Variants in AGGF1 observed in about 807,000 individuals in gnomAD.
The protein encoded by AGGF1 is angiogenic factor with G-patch and FHA domains 1.
AGGF1 carries 56 observed loss-of-function variants against 86.5 expected under a neutral mutation model. The observed-to-expected ratio is 0.65, with a 90% CI of 0.52 to 0.81. AGGF1 has a LOEUF of 0.81. Among genes scored for constraint, AGGF1 ranks in the 30% least tolerant of loss-of-function variants. The pLI is 0.00. For synonymous variants in AGGF1, 313 were observed against 297.1 expected (o/e 1.05, Z -0.55); for missense variants, 816 against 850.9 (o/e 0.96, Z 0.51).
intron 5 of AGGF1, among the ~76,000 whole-genome samples, chr5:77,043,367 C>A (rs1747165795): frequency 1.8e-5 from 1 of 55,958 alleles, no homozygotes; most frequent in Admixed American, 1.5e-4. Context: ...GTCTGACCCC[C>A]CCACCTCCCT....
At chr5:77,047,868 A>G (rs1747299863) in intron 6 of AGGF1, among the ~76,000 whole-genome samples, 1 of 150,952 alleles carries the variant, frequency 6.6e-6, no homozygotes, top group Non-Finnish European at 1.5e-5. Context: ...AAAATAATAT[A>G]AAAATATTTG....
At chr5:77,031,564 G>A (rs540664447) in intron 1 of AGGF1, among the ~76,000 whole-genome samples, 7 of 152,164 alleles carry the variant, frequency 4.6e-5, no homozygotes, top group Non-Finnish European at 1.0e-4. Flanking sequence ...TTTCCAAGAT[G>A]GTAGGGGCAA....
intron 11 of AGGF1, among the ~76,000 whole-genome samples, chr5:77,059,299 AAGT>A (rs1305256595): frequency 8.5e-5 from 13 of 152,206 alleles, no homozygotes; most frequent in African/African-American, 2.9e-4. Flanking sequence ...AATAGACTAA[AAGT>A]AGCATATCTA....
At chr5:77,055,367 C>T (rs1747440886) in intron 10 of AGGF1, 147 bp from the exon 11 acceptor site, 5 of 611,034 alleles carry the variant, frequency 8.2e-6, no homozygotes, top group Non-Finnish European at 1.5e-5. Flanking sequence ...CATCACAACC[C>T]AATATCCTTT....
chr5:77,035,497 A>G lies in AGGF1; in HGVS notation c.314-44A>G, dbSNP rs539280919. Reference sequence around the variant, plus strand: ...TTGTAGTTAAGTCCTTTTTATATACATTATTCTAATATGATACGATTTCAC... The same window carrying G: ...TTGTAGTTAAGTCCTTTTTATATACGTTATTCTAATATGATACGATTTCAC... On this transcript the variant is annotated intron_variant, in intron 2 of 13. Coordinates refer to ENST00000312916, the MANE Select transcript of AGGF1 (RefSeq NM_018046.5). 4.1e-6 allele frequency: 6 copies of G among 1,456,412 alleles called. No homozygotes were observed. In the East Asian group the frequency reaches 7.0e-5, roughly 17 times the overall value. 90.2% of individuals were successfully genotyped at this position (1,456,412 alleles called of 1,614,324 possible). A position where few individuals can be genotyped will look rare whatever the true frequency, so the allele number is the denominator to read the frequency against.
chr5:77,043,482 A>AG (rs1747172256), intron 5 of AGGF1, among the ~76,000 whole-genome samples: 1 of 10,854 alleles, frequency 9.2e-5, no homozygotes, highest in Non-Finnish European at 2.3e-4. Flanking sequence ...GGCCGGGCGG[A>AG]GGGCTGACCC....
rs373872883 is a variant in AGGF1 at position 77,035,565 on chromosome 5, A to G, written c.338A>G (p.Asn113Ser). 28 of 1,612,958 alleles carry G rather than the reference A, an allele frequency of 1.7e-5. No homozygotes were observed. Among genetic ancestry groups the G allele is most frequent in the Non-Finnish European group, 2.1e-5 (25 of 1,179,350 alleles). The change falls in exon 3 of 14, where the codon AAT (asparagine) becomes AGT (serine). Residue 113 changes from asparagine to serine, a missense_variant. This residue lies in a region of AGGF1 where 240 missense variants were observed against 234.4 expected (regional missense o/e 1.02). Transcript: ENST00000312916. The stretch of plus-strand genomic sequence containing the variant: ...GATTATTTTTATCAGACGTACTACA[A>G]TGACGTTAGTCTTCCAAATAAAGTG... Reference protein sequence around the residue: ...ISDYFYQTYYNDVSLPNKVTE... With the variant: ...ISDYFYQTYYSDVSLPNKVTE...
Position 77,030,448 on chromosome 5 carries a change from G to A in AGGF1, c.-319G>A. The A allele has an allele frequency of 1.8e-6, 1 of 553,480 alleles. No individual in the cohort carries two copies. Among genetic ancestry groups the A allele is most frequent in the Non-Finnish European group, 3.4e-6 (1 of 290,900 alleles). The allele number at this position is 553,480 out of a possible 1,614,324, so 34.3% of individuals were successfully genotyped here. ...CTGGGGAGCTGCTGGAGCTCTTCTG[G>A]CCTCTGGTTTTCCGACTGCTTATCC... is the stretch of plus-strand genomic sequence containing the variant. On this transcript the variant is annotated 5_prime_UTR_variant, in exon 1 of 14. Coordinates refer to ENST00000312916, the MANE Select transcript of AGGF1 (RefSeq NM_018046.5).
intron 11 of AGGF1, among the ~76,000 whole-genome samples, chr5:77,057,788 C>T (rs1323490025): frequency 1.3e-5 from 2 of 152,140 alleles, no homozygotes; most frequent in East Asian, 1.9e-4. Context: ...GGTTATTTGA[C>T]GCACTGGGCT....
chr5:77,035,847 A>G, intron 3 of AGGF1, 104 bp downstream of exon 3: 1 of 986,956 alleles, frequency 1.0e-6, no homozygotes. Flanking sequence ...CAGCATATAT[A>G]AGGGTTATAA....
chr5:77,054,751 A>G (rs1308007352), intron 10 of AGGF1, among the ~76,000 whole-genome samples: 2 of 152,200 alleles, frequency 1.3e-5, no homozygotes, highest in African/African-American at 2.4e-5. Flanking sequence ...TTAAGTAATA[A>G]TTTAATAAAG....
chr5:77,035,928 A>G (rs758179971), intron 3 of AGGF1, 185 bp downstream of exon 3: 1 of 603,902 alleles, frequency 1.7e-6, no homozygotes, highest in Non-Finnish European at 2.9e-6. Flanking sequence ...TTCTTCATAT[A>G]TGTAGTGGTT....
At chr5:77,056,092 A>T (rs1747452417) in intron 11 of AGGF1, among the ~76,000 whole-genome samples, 1 of 152,206 alleles carries the variant, frequency 6.6e-6, no homozygotes, top group Non-Finnish European at 1.5e-5. Context: ...AACTGCAGTG[A>T]TTAAGGTAGT....
intron 11 of AGGF1, among the ~76,000 whole-genome samples, chr5:77,055,942 G>T (rs1299862313): frequency 1.3e-5 from 2 of 152,188 alleles, no homozygotes; most frequent in East Asian, 3.9e-4. Flanking sequence ...GCTGCAGTGA[G>T]CTGTGATCAC....
intron 8 of AGGF1, 27 bp from the exon 9 acceptor site, chr5:77,052,679 A>T (rs1288642060): frequency 6.6e-7 from 1 of 1,512,364 alleles, no homozygotes; most frequent in East Asian, 2.3e-5. Flanking sequence ...TATAATAATT[A>T]ATAATTGCTT....
chr5:77,042,136 C>T (rs1396293753), intron 5 of AGGF1, among the ~76,000 whole-genome samples: 1 of 151,974 alleles, frequency 6.6e-6, no homozygotes, highest in African/African-American at 2.4e-5. Flanking sequence ...GGGGTAAGGT[C>T]ACAGATCAAC....
At chr5:77,031,022 G>T in intron 1 of AGGF1, 46 bp downstream of exon 1, 1 of 1,598,536 alleles carries the variant, frequency 6.3e-7, no homozygotes, top group South Asian at 1.1e-5. Context: ...CCCAGGCGAG[G>T]CCTTCGAAGC....
rs1189973521 is a variant in AGGF1, at chr5:77,039,521, A to G, written c.682-10A>G. 1.3e-6 allele frequency: 2 copies of G among 1,587,672 alleles called. No homozygotes were observed. The highest frequency in any genetic ancestry group is 2.7e-5 in the African/African-American group (2 of 74,314). On this transcript the variant is annotated splice_polypyrimidine_tract_variant and intron_variant, in intron 4 of 13. Transcript: ENST00000312916. ...ATGAATAGAATTTATTTTTTTCTTG[A>G]CTTTCAAAGGAAAATCAACTCTATT...
chr5:77,034,350 G>A lies in AGGF1; in HGVS notation c.211-68G>A, dbSNP rs1746924604. On this transcript the variant is annotated intron_variant, in intron 1 of 13. Transcript: ENST00000312916. ...TCTAAAACAATTATTTGTAACGGTA[G>A]GAGACTGGTATATATATTATTAGAT... The A allele has an allele frequency of 3.2e-6, 3 of 947,354 alleles. No homozygotes were observed. The African/African-American group carries it at 4.8e-5, about 15-fold the overall frequency. The allele number at this position is 947,354 out of a possible 1,614,324, so 58.7% of individuals were successfully genotyped here.
Sources: allele counts gnomAD v4.1 joint callset (sites outside exome capture counted in the v4.1 genomes callset), GRCh38; gene constraint gnomAD v4.1.1; regional missense constraint gnomAD v4.1.1; transcripts MANE v1.5; gene names NCBI Gene and HGNC (gene_info 2026-07-23, HGNC 2026-07-21).